Variants in TOP6BL observed in about 807,000 individuals in gnomAD.
TOP6BL encodes the protein type 2 DNA topoisomerase 6 subunit B-like.
the TOP6BL span, among the ~76,000 whole-genome samples, chr11:66,779,172 TTAAAC>T: frequency 2.6e-5 from 4 of 152,230 alleles, no homozygotes; most frequent in African/African-American, 7.2e-5. Context: ...TGGGATCTAA[TTAAAC>T]TAAAGAGCTT....
chr11:66,835,973 G>C, the TOP6BL span, among the ~76,000 whole-genome samples: 3 of 152,170 alleles, frequency 2.0e-5, no homozygotes, highest in African/African-American at 7.2e-5. Context: ...CTTTCGAGCT[G>C]ATTTCCACAG....
the TOP6BL span, among the ~76,000 whole-genome samples, chr11:66,841,656 G>A: frequency 2.0e-5 from 3 of 152,156 alleles, no homozygotes; most frequent in Non-Finnish European, 2.9e-5. Context: ...GTCTTCTACA[G>A]ATGAAAATCT....
the TOP6BL span, chr11:66,816,176 C>T: frequency 3.1e-6 from 5 of 1,609,520 alleles, no homozygotes; most frequent in South Asian, 4.4e-5. Context: ...AGTGCATTTC[C>T]AGTCCAGCAA....
the TOP6BL span, chr11:66,804,193 A>G: frequency 6.3e-7 from 1 of 1,595,612 alleles, no homozygotes; most frequent in African/African-American, 1.3e-5. Context: ...CAGTTTCCAT[A>G]TCCTTTTGAT....
the TOP6BL span, chr11:66,843,357 CGGGCGGGGCGGGGCGGGGCGT>C: frequency 6.9e-6 from 10 of 1,455,264 alleles, no homozygotes; most frequent in South Asian, 1.4e-4. Context: ...GCGTCGGGCC[CGGGCGGGGCGGGGCGGGGCGT>C]GGAGCCGCGC....
chr11:66,745,314 T>TGGGGGGGGGGGGGGGGG, the TOP6BL span, among the ~76,000 whole-genome samples: 1 of 111,050 alleles, frequency 9.0e-6, no homozygotes. Flanking sequence ...CGGGGCGGGG[T>TGGGGGGGGGGGGGGGGG]GGGGGGAGTC....
chr11:66,798,104 C>T, the TOP6BL span, among the ~76,000 whole-genome samples: 2 of 152,088 alleles, frequency 1.3e-5, no homozygotes, highest in African/African-American at 2.4e-5. Context: ...TGAACTCAGG[C>T]AGTCTGGTTC....
the TOP6BL span, among the ~76,000 whole-genome samples, chr11:66,779,108 G>A: frequency 1.3e-5 from 2 of 152,126 alleles, no homozygotes; most frequent in Non-Finnish European, 1.5e-5. Flanking sequence ...CATGGGCAAG[G>A]ACTTCATGTC....
the TOP6BL span, among the ~76,000 whole-genome samples, chr11:66,834,879 C>G: frequency 4.9e-4 from 74 of 152,180 alleles, 1 homozygote; most frequent in African/African-American, 1.8e-3. Context: ...AATGTTTGAA[C>G]AGAGACAGTG....
At chr11:66,795,278 G>A in the TOP6BL span, among the ~76,000 whole-genome samples, 1 of 150,470 alleles carries the variant, frequency 6.6e-6, no homozygotes, top group Non-Finnish European at 1.5e-5. Flanking sequence ...TTGTTACCAT[G>A]TATAATATAC....
the TOP6BL span, among the ~76,000 whole-genome samples, chr11:66,802,115 G>A: frequency 6.6e-6 from 1 of 151,922 alleles, no homozygotes; most frequent in Admixed American, 6.6e-5. Context: ...TCAGCCTCTC[G>A]AGTAGCTAGT....
At chr11:66,758,340 C>T in the TOP6BL span, 1 of 83,004 alleles carries the variant, frequency 1.2e-5, no homozygotes. Flanking sequence ...GAGACGGAGT[C>T]TCGCTCTGTC....
chr11:66,843,393 GC>G, the TOP6BL span: 24 of 1,428,602 alleles, frequency 1.7e-5, no homozygotes, highest in South Asian at 2.4e-4. Flanking sequence ...CCGCGCCGCG[GC>G]CTGACGTCAC....
At chr11:66,834,202 T>C in the TOP6BL span, among the ~76,000 whole-genome samples, 1 of 152,226 alleles carries the variant, frequency 6.6e-6, no homozygotes, top group Non-Finnish European at 1.5e-5. Context: ...GGAAACTGAT[T>C]ACAGAACTTT....
At chr11:66,839,216 C>T in the TOP6BL span, 4 of 456,070 alleles carry the variant, frequency 8.8e-6, no homozygotes, top group South Asian at 4.6e-5. Context: ...AGGTACTATT[C>T]TGAGCTTTTA....
the TOP6BL span, among the ~76,000 whole-genome samples, chr11:66,827,753 T>C: frequency 6.6e-6 from 1 of 151,478 alleles, no homozygotes; most frequent in Non-Finnish European, 1.5e-5. Context: ...TCACCTGAGG[T>C]CAGGAGTTCG....
the TOP6BL span, among the ~76,000 whole-genome samples, chr11:66,767,859 C>T: frequency 6.6e-6 from 1 of 152,164 alleles, no homozygotes; most frequent in African/African-American, 2.4e-5. Flanking sequence ...GGCATGACCA[C>T]AGCTCATTGC....
At chr11:66,821,739 T>G in the TOP6BL span, 1 of 1,613,518 alleles carries the variant, frequency 6.2e-7, no homozygotes, top group Non-Finnish European at 8.5e-7. Context: ...GACAAGGTCT[T>G]GGAGCAACAT....
At chr11:66,836,850 G>A in the TOP6BL span, among the ~76,000 whole-genome samples, 4 of 151,012 alleles carry the variant, frequency 2.6e-5, no homozygotes, top group South Asian at 2.1e-4. Context: ...ACAGGTGTGC[G>A]CCACCACGCC....
Sources: gnomAD v4.1 joint callset for allele counts (sites outside exome capture counted in the v4.1 genomes callset) on GRCh38, gnomAD v4.1.1 for gene constraint, MANE v1.5 for transcripts, NCBI Gene and HGNC (gene_info 2026-07-23, HGNC 2026-07-21) for gene names.